The following ADAMTS3 variants were observed in gnomAD, a reference collection of about 807,000 sequenced individuals.
The protein encoded by ADAMTS3 is ADAM metallopeptidase with thrombospondin type 1 motif 3.
Under a neutral mutation model 129.0 loss-of-function variants are expected in ADAMTS3, and 73 were observed. The observed-to-expected ratio is 0.57, with a 90% confidence interval of 0.47 to 0.69. The LOEUF (loss-of-function observed/expected upper bound fraction) is 0.69, where lower values mean the gene tolerates loss of function less well. Ranked by LOEUF, ADAMTS3 falls within the 30% of genes least tolerant of loss-of-function variation. The probability of loss-of-function intolerance (pLI) is 0.00; values close to 1 mark genes in which losing one functional copy is unlikely to be tolerated. For synonymous variants in ADAMTS3, 477 were observed against 510.8 expected (o/e 0.93, Z 0.89); for missense variants, 1,457 against 1,514.5 (o/e 0.96, Z 0.63).
At chr4:72,467,904 A>C (rs1718963531) in intron 3 of ADAMTS3, among the ~76,000 whole-genome samples, 3 of 152,072 alleles carry the variant, frequency 2.0e-5, no homozygotes, top group Non-Finnish European at 4.4e-5. Flanking sequence ...GCAATGCTGT[A>C]ATCCAATTAT....
At chr4:72,437,177 T>C (rs1717960062) in intron 3 of ADAMTS3, among the ~76,000 whole-genome samples, 1 of 151,802 alleles carries the variant, frequency 6.6e-6, no homozygotes, top group South Asian at 2.1e-4. Flanking sequence ...CACAAAAAAT[T>C]ACCAGTTATC....
At chr4:72,323,270 G>A (rs764112584) in intron 5 of ADAMTS3, 173 bp from the exon 6 acceptor site, 11 of 593,668 alleles carry the variant, frequency 1.9e-5, no homozygotes, top group Admixed American at 2.8e-5. Flanking sequence ...GGTACAATGT[G>A]TGGATATGTA....
At chr4:72,397,993 C>A (rs1721769545) in intron 4 of ADAMTS3, among the ~76,000 whole-genome samples, 1 of 151,744 alleles carries the variant, frequency 6.6e-6, no homozygotes. Flanking sequence ...AACAACTGAT[C>A]AAAGATAGTA....
chr4:72,357,806 C>T (rs1325386851), intron 4 of ADAMTS3, among the ~76,000 whole-genome samples: 2 of 151,688 alleles, frequency 1.3e-5, no homozygotes, highest in African/African-American at 2.4e-5. Flanking sequence ...GGAATACTAT[C>T]GATCAAGAAA....
At chr4:72,544,645 T>A (rs1375743033) in intron 3 of ADAMTS3, among the ~76,000 whole-genome samples, 1 of 152,208 alleles carries the variant, frequency 6.6e-6, no homozygotes, top group Non-Finnish European at 1.5e-5. Flanking sequence ...TTAATTATAA[T>A]TTAACCAGAA....
At chr4:72,403,509 TACAG>T (rs1175643628) in intron 4 of ADAMTS3, among the ~76,000 whole-genome samples, 1 of 151,928 alleles carries the variant, frequency 6.6e-6, no homozygotes, top group Non-Finnish European at 1.5e-5. Context: ...AATTTGGATA[TACAG>T]ACAATCAGAA....
At chr4:72,359,923 T>C (rs1375229849) in intron 4 of ADAMTS3, among the ~76,000 whole-genome samples, 4 of 152,024 alleles carry the variant, frequency 2.6e-5, no homozygotes, top group African/African-American at 7.2e-5. Flanking sequence ...AATTTGTATA[T>C]AAGTACACTT....
At chr4:72,562,668 T>A (rs1396219684) in intron 2 of ADAMTS3, among the ~76,000 whole-genome samples, 1 of 152,148 alleles carries the variant, frequency 6.6e-6, no homozygotes, top group African/African-American at 2.4e-5. Context: ...CTGGAATGAT[T>A]TTCAAAAATC....
rs541134532 is a variant in ADAMTS3, at chr4:72,563,692, C to T, written c.97+3682G>A. 1.2e-3 allele frequency among the ~76,000 whole-genome samples: 177 copies of T among 152,272 alleles called. 2 individuals are homozygous for T. Among genetic ancestry groups the T allele is most frequent in the African/African-American group, 4.2e-3 (173 of 41,552 alleles). On this transcript the variant is annotated intron_variant, in intron 2 of 21. Coordinates refer to ENST00000286657, the MANE Select transcript of ADAMTS3 (RefSeq NM_014243.3). ...GAATAATTAATTGTATAGCCATTGT[C>T]ACCATCTTCATTTTCTTAGGGACCA...
chr4:72,475,977 C>T (rs1480118778), intron 3 of ADAMTS3, among the ~76,000 whole-genome samples: 1 of 151,614 alleles, frequency 6.6e-6, no homozygotes, highest in African/African-American at 2.4e-5. Flanking sequence ...TAAAGCAGTA[C>T]AAAAAGAGTA....
intron 3 of ADAMTS3, among the ~76,000 whole-genome samples, chr4:72,480,330 C>T (rs575809623): frequency 1.2e-4 from 18 of 152,088 alleles, no homozygotes; most frequent in African/African-American, 3.9e-4. Context: ...ATTAAGAAAA[C>T]GTGGCACATA....
chr4:72,332,994 T>C (rs1705384152), intron 5 of ADAMTS3, among the ~76,000 whole-genome samples: 1 of 152,158 alleles, frequency 6.6e-6, no homozygotes, highest in Non-Finnish European at 1.5e-5. Context: ...AAGGCAGATA[T>C]AGATCTGGGC....
At chr4:72,373,834 A>C (rs1318077055) in intron 4 of ADAMTS3, among the ~76,000 whole-genome samples, 2 of 151,344 alleles carry the variant, frequency 1.3e-5, no homozygotes, top group African/African-American at 4.8e-5. Context: ...TGGGAGATCG[A>C]GTCTGCAGTG....
At chr4:72,499,584 T>C (rs1004274299) in intron 3 of ADAMTS3, among the ~76,000 whole-genome samples, 15 of 152,300 alleles carry the variant, frequency 9.8e-5, no homozygotes, top group African/African-American at 3.4e-4. Flanking sequence ...ACAATGTATC[T>C]TCGGGGGCTC....
intron 19 of ADAMTS3, among the ~76,000 whole-genome samples, chr4:72,294,364 T>G (rs1285299693): frequency 1.3e-5 from 2 of 152,116 alleles, no homozygotes; most frequent in East Asian, 3.9e-4. Flanking sequence ...AAGAAACATG[T>G]TTTTGAGATC....
intron 18 of ADAMTS3, among the ~76,000 whole-genome samples, chr4:72,297,277 G>C (rs1718834210): frequency 6.6e-6 from 1 of 152,050 alleles, no homozygotes; most frequent in Non-Finnish European, 1.5e-5. Context: ...AGGTATATCT[G>C]ACAAATATTA....
chr4:72,427,388 C>A (rs1722598368), intron 3 of ADAMTS3, among the ~76,000 whole-genome samples: 1 of 152,086 alleles, frequency 6.6e-6, no homozygotes, highest in Admixed American at 6.6e-5. Context: ...CTTTCCAAGT[C>A]TCTGCTGGTA....
At chr4:72,369,893 G>A (rs902794599) in intron 4 of ADAMTS3, among the ~76,000 whole-genome samples, 4 of 151,914 alleles carry the variant, frequency 2.6e-5, no homozygotes, top group Non-Finnish European at 4.4e-5. Flanking sequence ...CATATAAACC[G>A]AAATTCAAGC....
At position 72,551,281 on chromosome 4, in the gene ADAMTS3, G is replaced by A. The variant is rs985815592; in HGVS notation, c.98-2397C>T. On this transcript the variant is annotated intron_variant, in intron 2 of 21. Coordinates refer to ENST00000286657, the MANE Select transcript of ADAMTS3 (RefSeq NM_014243.3). ...AGAGAACAAGAACATTTAGAAAAAC[G>A]CAGGGAGCCTTCTCCATACCCAAGA... Among the ~76,000 whole-genome samples, 7 of 152,100 alleles carry A rather than the reference G, an allele frequency of 4.6e-5. No individual in the cohort carries two copies. In the South Asian group the frequency reaches 6.2e-4, roughly 14 times the overall value.
Sources: allele counts gnomAD v4.1 joint callset (sites outside exome capture counted in the v4.1 genomes callset), GRCh38; gene constraint gnomAD v4.1.1; transcripts MANE v1.5; gene names NCBI Gene and HGNC (gene_info 2026-07-23, HGNC 2026-07-21).